The following BMP5 variants were observed in gnomAD, a reference collection of about 807,000 sequenced individuals.
BMP5 encodes the protein bone morphogenetic protein 5.
Under a neutral mutation model 46.6 loss-of-function variants are expected in BMP5, and 23 were observed. The ratio of observed to expected loss-of-function variants is 0.49; its 90% confidence interval spans 0.35 to 0.70. The LOEUF is 0.70. Among genes scored for constraint, BMP5 ranks in the 30% least tolerant of loss-of-function variants. BMP5 has a pLI of 0.00. For missense variants in BMP5, 545 were observed against 565.6 expected, an observed-to-expected ratio of 0.96 and a Z score of 0.37; for synonymous variants, 204 against 191.9, an observed-to-expected ratio of 1.06 and a Z score of -0.52.
chr6:55,850,494 T>C (rs1469850870), intron 1 of BMP5, among the ~76,000 whole-genome samples: 1 of 152,114 alleles, frequency 6.6e-6, no homozygotes, highest in African/African-American at 2.4e-5. Context: ...GCCCCAGTGA[T>C]ATATACATAC....
rs561007628 is a variant in BMP5, at chr6:55,845,355, C to T, written c.491-25508G>A. ...CATCTGAAGGAACTAAATCTCTCTG[C>T]AGCATATTCACCTGGAACCTACAAT... On this transcript the variant is annotated intron_variant, in intron 1 of 6. Transcript: ENST00000370830. 2.0e-5 allele frequency among the ~76,000 whole-genome samples: 3 copies of T among 151,930 alleles called. No homozygotes were observed. The East Asian group carries it at 5.8e-4, about 29-fold the overall frequency.
intron 1 of BMP5, among the ~76,000 whole-genome samples, chr6:55,854,406 G>A (rs538177611): frequency 6.6e-6 from 1 of 151,750 alleles, no homozygotes; most frequent in African/African-American, 2.4e-5. Flanking sequence ...TAAAATTAAT[G>A]CAATTTAAGA....
intron 2 of BMP5, among the ~76,000 whole-genome samples, chr6:55,818,477 T>C (rs112567160): frequency 5.3e-4 from 81 of 152,238 alleles, no homozygotes; most frequent in African/African-American, 1.9e-3. Flanking sequence ...GTCTCAAACT[T>C]TGGGCACATC....
intron 2 of BMP5, among the ~76,000 whole-genome samples, chr6:55,819,420 G>A (rs532861924): frequency 6.6e-6 from 1 of 152,228 alleles, no homozygotes; most frequent in African/African-American, 2.4e-5. Context: ...ATTTTTAGAA[G>A]CATGAGACTA....
intron 1 of BMP5, among the ~76,000 whole-genome samples, chr6:55,864,889 A>G (rs1777605390): frequency 6.6e-6 from 1 of 152,112 alleles, no homozygotes; most frequent in South Asian, 2.1e-4. Flanking sequence ...TAACAAAAAT[A>G]TTTAATAGCC....
intron 1 of BMP5, among the ~76,000 whole-genome samples, chr6:55,873,934 T>C (rs1777841249): frequency 6.6e-6 from 1 of 152,018 alleles, no homozygotes; most frequent in African/African-American, 2.4e-5. Context: ...CTCCCCTAGA[T>C]GAGAGATTTT....
chr6:55,802,204 A>G (rs899311770), intron 2 of BMP5, among the ~76,000 whole-genome samples: 13 of 152,186 alleles, frequency 8.5e-5, no homozygotes, highest in African/African-American at 2.9e-4. Context: ...TTAGTTCCCA[A>G]TGGTACAATG....
At chr6:55,809,079 C>A (rs765735690) in intron 2 of BMP5, among the ~76,000 whole-genome samples, 2 of 152,052 alleles carry the variant, frequency 1.3e-5, no homozygotes, top group African/African-American at 4.8e-5. Context: ...TTTAAAGTCA[C>A]CTTTCTAAAG....
At chr6:55,829,260 A>T (rs1479196397) in intron 1 of BMP5, among the ~76,000 whole-genome samples, 2 of 151,634 alleles carry the variant, frequency 1.3e-5, no homozygotes, top group Non-Finnish European at 2.9e-5. Flanking sequence ...ACTACCGTAC[A>T]CTCTTCCTTA....
intron 2 of BMP5, among the ~76,000 whole-genome samples, chr6:55,813,134 T>TTTTTG (rs1562050507): frequency 1.3e-5 from 2 of 152,128 alleles, no homozygotes; most frequent in East Asian, 1.9e-4. Flanking sequence ...ATCCTAGTGT[T>TTTTTG]TTTTGTTTTG....
At chr6:55,833,713 G>A (rs1776717466) in intron 1 of BMP5, among the ~76,000 whole-genome samples, 1 of 152,148 alleles carries the variant, frequency 6.6e-6, no homozygotes, top group African/African-American at 2.4e-5. Flanking sequence ...ATCTCTGAAG[G>A]ATAAAAGTCT....
chr6:55,781,713 T>C (rs956301307), intron 3 of BMP5, among the ~76,000 whole-genome samples: 2 of 151,846 alleles, frequency 1.3e-5, no homozygotes, highest in Non-Finnish European at 2.9e-5. Context: ...GTTCAAGTGA[T>C]TCTCCTCCTT....
intron 3 of BMP5, among the ~76,000 whole-genome samples, chr6:55,790,655 T>C (rs1430660489): frequency 2.0e-5 from 3 of 152,182 alleles, no homozygotes; most frequent in African/African-American, 7.2e-5. Context: ...CATTTTGACA[T>C]AGTGTGCATT....
chr6:55,757,375 T>C (rs1774634912), intron 6 of BMP5, among the ~76,000 whole-genome samples: 2 of 152,006 alleles, frequency 1.3e-5, no homozygotes, highest in Non-Finnish European at 2.9e-5. Context: ...GGAGTTATTC[T>C]ATGACCTTAC....
chr6:55,785,936 A>G (rs1775437445), intron 3 of BMP5, among the ~76,000 whole-genome samples: 1 of 151,768 alleles, frequency 6.6e-6, no homozygotes, highest in Admixed American at 6.6e-5. Flanking sequence ...AAAAGAAAAT[A>G]CAATCCTGCT....
chr6:55,836,627 TACATAC>T (rs775897323), intron 1 of BMP5, among the ~76,000 whole-genome samples: 16 of 127,370 alleles, frequency 1.3e-4, no homozygotes, highest in African/African-American at 4.2e-4. Flanking sequence ...AACACATACA[TACATAC>T]ACACACACAC....
At chr6:55,808,205 C>A (rs6927700) in intron 2 of BMP5, among the ~76,000 whole-genome samples, 1 of 152,034 alleles carries the variant, frequency 6.6e-6, no homozygotes, top group Non-Finnish European at 1.5e-5. Flanking sequence ...TGCAGGAAGG[C>A]CCTGCCCAGT....
chr6:55,822,010 T>C (rs1776420903), intron 1 of BMP5, among the ~76,000 whole-genome samples: 1 of 152,188 alleles, frequency 6.6e-6, no homozygotes, highest in African/African-American at 2.4e-5. Flanking sequence ...TTCTCAGTAT[T>C]TTATCATCTT....
chr6:55,779,957 A>G (rs919728617), intron 3 of BMP5, among the ~76,000 whole-genome samples: 3 of 152,148 alleles, frequency 2.0e-5, no homozygotes, highest in Admixed American at 6.6e-5. Flanking sequence ...TGTAGAGAAC[A>G]GGATAAGATT....
Sources: allele counts gnomAD v4.1 joint callset (sites outside exome capture counted in the v4.1 genomes callset), GRCh38; gene constraint gnomAD v4.1.1; transcripts MANE v1.5; gene names NCBI Gene and HGNC (gene_info 2026-07-23, HGNC 2026-07-21).